PALLD: variants seen among roughly 807,000 people sequenced by gnomAD.
PALLD encodes the protein palladin, cytoskeletal associated protein.
PALLD carries 61 observed loss-of-function variants against 123.5 expected under a neutral mutation model. The ratio of observed to expected loss-of-function variants is 0.49; its 90% CI spans 0.40 to 0.61. PALLD has a LOEUF of 0.61. Among genes scored for constraint, PALLD ranks in the 20% least tolerant of loss-of-function variants. The probability of loss-of-function intolerance (pLI) is 0.00; values close to 1 mark genes in which losing one functional copy is unlikely to be tolerated. For missense variants in PALLD, 1,273 were observed against 1,377.0 expected (o/e 0.92, Z 1.20); for synonymous variants, 465 against 496.4 (o/e 0.94, Z 0.84).
At chr4:168,905,135 T>C (rs112776565) in intron 15 of PALLD, among the ~76,000 whole-genome samples, 1 of 45,482 alleles carries the variant, frequency 2.2e-5, no homozygotes, top group South Asian at 1.1e-3. Context: ...TTTTGTTTTG[T>C]TGGTTTTTTT....
chr4:168,749,778 G>A (rs1730795302), intron 10 of PALLD, among the ~76,000 whole-genome samples: 1 of 152,028 alleles, frequency 6.6e-6, no homozygotes, highest in Non-Finnish European at 1.5e-5. Flanking sequence ...GTTACATGGG[G>A]GTATTGTATG....
intron 10 of PALLD, among the ~76,000 whole-genome samples, chr4:168,793,554 A>G (rs565748744): frequency 6.6e-6 from 1 of 152,054 alleles, no homozygotes; most frequent in South Asian, 2.1e-4. Context: ...CTGAGTTTGA[A>G]TCCTGGCTCT....
intron 10 of PALLD, among the ~76,000 whole-genome samples, chr4:168,862,711 G>A (rs1209457519): frequency 6.6e-6 from 1 of 152,148 alleles, no homozygotes; most frequent in Non-Finnish European, 1.5e-5. Flanking sequence ...GAAATAAAAA[G>A]GGTTACAAAG....
intron 2 of PALLD, chr4:168,654,946 T>C (rs1778410275): frequency 6.6e-6 from 1 of 152,088 alleles, no homozygotes; most frequent in Admixed American, 6.6e-5. Context: ...TCAAGGAGTG[T>C]GTCAGATGTT....
intron 2 of PALLD, among the ~76,000 whole-genome samples, chr4:168,542,323 G>A (rs1765694424): frequency 6.6e-6 from 1 of 152,044 alleles, no homozygotes; most frequent in African/African-American, 2.4e-5. Flanking sequence ...GGCTGAGATG[G>A]GAGGGTGACT....
At chr4:168,691,317 T>G in intron 8 of PALLD, 25 bp downstream of exon 8, 1 of 1,599,450 alleles carries the variant, frequency 6.3e-7, no homozygotes, top group Non-Finnish European at 8.6e-7. Context: ...AGGGTTTTTT[T>G]TTTTGGTGGT....
At position 168,619,914 on chromosome 4, in the gene PALLD, G is replaced by A. The variant is rs376070857; in HGVS notation, c.909-48276G>A. Reference sequence around the variant, plus strand: ...GAAAAGCATAGTTCTCCTGGCCAATGGTCAGTAAAGTCTGCACTTTAAGCT... The same window carrying A: ...GAAAAGCATAGTTCTCCTGGCCAATAGTCAGTAAAGTCTGCACTTTAAGCT... On this transcript the variant is annotated intron_variant, in intron 2 of 21. Transcript: ENST00000505667. Among the ~76,000 whole-genome samples the A allele has an allele frequency of 1.6e-4, 24 of 152,280 alleles. No homozygotes were observed. In the East Asian group the frequency reaches 1.9e-3, roughly 12 times the overall value.
In PALLD at chr4:168,531,509, A is replaced by G. The variant is rs777451064; in HGVS notation, c.908+19097A>G. Reference sequence around the variant, plus strand: ...AAAGCTGAAAAATCGGCAGGTGTGAATGACTCACACTGGACACTGAGTGAT... The same window carrying G: ...AAAGCTGAAAAATCGGCAGGTGTGAGTGACTCACACTGGACACTGAGTGAT... On this transcript the variant is annotated intron_variant, in intron 2 of 21. Transcript: ENST00000505667. Among the ~76,000 whole-genome samples, 97 of 152,296 alleles carry G rather than the reference A, an allele frequency of 6.4e-4. 2 individuals are homozygous for G. Among genetic ancestry groups the G allele is most frequent in the South Asian group, 6.2e-4 (3 of 4,824 alleles).
Position 168,690,614 on chromosome 4 carries a change from C to T in PALLD, c.1347C>T (p.Asn449=), listed in dbSNP as rs17054482. 6.9e-3 allele frequency: 11,085 copies of T among 1,614,134 alleles called. 615 individuals are homozygous for T. The African/African-American group carries it at 0.12, about 18-fold the overall frequency. ...FPPVFTKELQ[N]TAVAEGQVVV... is the part of the protein sequence containing the mutation. The stretch of plus-strand genomic sequence containing the variant: ...TCCTTGAATTTCAGGAACTGCAAAA[C>T]ACAGCCGTGGCGGAAGGCCAGGTGG... The change falls in exon 7 of 22, where the codon AAC becomes AAT. Residue 449 remains asparagine, a synonymous_variant. Transcript: ENST00000505667.
intron 10 of PALLD, among the ~76,000 whole-genome samples, chr4:168,761,433 C>A (rs985538456): frequency 1.3e-5 from 2 of 151,968 alleles, no homozygotes; most frequent in East Asian, 3.9e-4. Flanking sequence ...TATATGGCAC[C>A]TTTCTTTGTA....
intron 2 of PALLD, among the ~76,000 whole-genome samples, chr4:168,565,018 T>C (rs1768228032): frequency 7.4e-6 from 1 of 134,402 alleles, no homozygotes; most frequent in African/African-American, 2.8e-5. Flanking sequence ...AAACCCCATC[T>C]CTACCAAAAA....
intron 10 of PALLD, among the ~76,000 whole-genome samples, chr4:168,761,658 T>TTTGTTTG (rs1732922255): frequency 9.3e-5 from 4 of 43,072 alleles, no homozygotes; most frequent in African/African-American, 1.8e-4. Flanking sequence ...TTTTTTTTTT[T>TTTGTTTG]TTTTTTTTTT....
chr4:168,763,724 T>C (rs1733271902), intron 10 of PALLD, among the ~76,000 whole-genome samples: 1 of 152,178 alleles, frequency 6.6e-6, no homozygotes, highest in Non-Finnish European at 1.5e-5. Flanking sequence ...CACCAGTGCA[T>C]GGAGCCATTG....
chr4:168,816,389 G>GTA (rs34216824), intron 10 of PALLD, among the ~76,000 whole-genome samples: 5,620 of 138,956 alleles, frequency 0.04, 165 homozygotes, highest in Non-Finnish European at 0.057. Flanking sequence ...GTGTATGTGT[G>GTA]TATATATATA....
chr4:168,528,406 C>T (rs1764276410), intron 2 of PALLD, among the ~76,000 whole-genome samples: 1 of 152,240 alleles, frequency 6.6e-6, no homozygotes, highest in Admixed American at 6.5e-5. Context: ...TCCAAAAAGA[C>T]ATTTGATGTT....
At chr4:168,914,575 T>G (rs1759711512) in intron 16 of PALLD, among the ~76,000 whole-genome samples, 1 of 152,146 alleles carries the variant, frequency 6.6e-6, no homozygotes, top group Non-Finnish European at 1.5e-5. Context: ...TAGTTCTGAG[T>G]CTATGCAAGG....
chr4:168,698,991 T>C (rs1783421760), intron 8 of PALLD, among the ~76,000 whole-genome samples: 1 of 152,176 alleles, frequency 6.6e-6, no homozygotes, highest in South Asian at 2.1e-4. Flanking sequence ...CAGGGGTTCA[T>C]TTCACTGTTA....
At chr4:168,875,519 C>T (rs1751630687) in intron 10 of PALLD, among the ~76,000 whole-genome samples, 1 of 152,142 alleles carries the variant, frequency 6.6e-6, no homozygotes. Flanking sequence ...TTTCCCCACC[C>T]CTCCAGTCCC....
intron 10 of PALLD, among the ~76,000 whole-genome samples, chr4:168,747,744 C>T (rs775811720): frequency 2.6e-5 from 4 of 152,178 alleles, no homozygotes; most frequent in East Asian, 3.8e-4. Flanking sequence ...CCAACCAAAA[C>T]GTTAGCTTTG....
Sources: gnomAD v4.1 joint callset for allele counts (sites outside exome capture counted in the v4.1 genomes callset) on GRCh38, gnomAD v4.1.1 for gene constraint, MANE v1.5 for transcripts, NCBI Gene and HGNC (gene_info 2026-07-23, HGNC 2026-07-21) for gene names.